The following FLT4 variants were observed in gnomAD, a reference collection of about 807,000 sequenced individuals.
FLT4 encodes the protein fms related receptor tyrosine kinase 4, also known as vascular endothelial growth factor receptor 3.
In FLT4, 30 loss-of-function variants were observed where a neutral mutation model predicts 163.2. The observed-to-expected ratio is 0.18, with a 90% CI of 0.14 to 0.25. The LOEUF is 0.25. Ranked by LOEUF, FLT4 falls within the 10% of genes least tolerant of loss-of-function variation. The pLI is 1.00. For missense variants in FLT4, 1,510 were observed against 1,863.8 expected (o/e 0.81, Z 3.50); for synonymous variants, 884 against 789.5 (o/e 1.12, Z -2.01).
chr5:180,608,223 C>T, intron 29 of FLT4: 1 of 700,772 alleles, frequency 1.4e-6, no homozygotes, highest in South Asian at 1.5e-5. Flanking sequence ...TTTGATCTTT[C>T]TTATAAGTGC....
chr5:180,630,226 G>A lies in FLT4; in HGVS notation c.512C>T (p.Ser171Leu), dbSNP rs56258152. Residue 171 changes from serine to leucine, a missense_variant and splice_region_variant, in exon 4 of 30, where the codon TCG becomes TTG. Around this residue, in one of 5 missense-constraint regions of FLT4, gnomAD observed 163 missense variants for 281.1 expected, o/e 0.58. Transcript: ENST00000261937. This position sits in a 1 kb window ranked among gnomAD's most constrained non-coding sequence, Gnocchi z 6.3. ...GCTGGGGTTGGGGTGGGGCCGTACC[G>A]AGCGCAGCGTGACATTGAGGCCGGG... ...SIPGLNVTLRSQSSVLWPDGQ... is the reference protein window; with the variant it reads ...SIPGLNVTLRLQSSVLWPDGQ... 7 of 1,611,958 alleles carry A rather than the reference G, an allele frequency of 4.3e-6. No homozygotes were observed. The South Asian group carries it at 4.4e-5, about 10-fold the overall frequency.
chr5:180,616,228 G>T, intron 23 of FLT4, 139 bp downstream of exon 23: 1 of 1,227,734 alleles, frequency 8.1e-7, no homozygotes, highest in South Asian at 1.2e-5. Context: ...AGGTCCACCA[G>T]CAGCTGGGCA....
intron 24 of FLT4, chr5:180,613,585 C>T (rs973891734): frequency 1.1e-4 from 30 of 263,742 alleles, no homozygotes; most frequent in African/African-American, 2.4e-4. Flanking sequence ...CTGGCTTACC[C>T]GAGCTCCCAC....
chr5:180,609,754 C>T (rs2127788481), intron 28 of FLT4, 151 bp downstream of exon 28: 1 of 920,056 alleles, frequency 1.1e-6, no homozygotes, highest in East Asian at 2.4e-5. Context: ...GCAGGAGGGC[C>T]CAAATGTGCC....
intron 1 of FLT4, among the ~76,000 whole-genome samples, chr5:180,638,960 A>C (rs1301174106): frequency 7.0e-6 from 1 of 143,884 alleles, no homozygotes. Context: ...GCACAGAGTA[A>C]AGTCTCAGTG....
chr5:180,603,528 A>G (rs1358423134), intron 29 of FLT4, 138 bp from the exon 30 acceptor site: 7 of 773,940 alleles, frequency 9.0e-6, no homozygotes, highest in East Asian at 8.0e-5. Flanking sequence ...CCCAGGCAAC[A>G]TGGGGAAACC....
rs771975253 is a variant in FLT4, at chr5:180,630,567, C to T, written c.388G>A (p.Val130Met). Residue 130 changes from valine (V) to methionine (M), a missense_variant, in exon 3 of 30, where the codon GTG becomes ATG. Coordinates refer to ENST00000261937, the MANE Select transcript of FLT4 (RefSeq NM_182925.5). The surrounding 1 kb of genome is among the most constrained non-coding windows in gnomAD (Gnocchi z 6.3). ...CTCCAAGTCTCACCTCTCACGAACA[C>T]GTAGGAGCTGGCGGCCGTGGTGCCC... is the stretch of plus-strand genomic sequence containing the variant. ...IEGTTAASSY[V>M]FVRDFEQPFI... The T allele has an allele frequency of 2.5e-6, 4 of 1,612,872 alleles. No homozygotes were observed. Among genetic ancestry groups the T allele is most frequent in the East Asian group, 2.2e-5 (1 of 44,882 alleles).
At chr5:180,648,735 A>AAC (rs1765601926) in intron 1 of FLT4, among the ~76,000 whole-genome samples, 1 of 150,590 alleles carries the variant, frequency 6.6e-6, no homozygotes, top group Non-Finnish European at 1.5e-5. Context: ...GCCACATCCC[A>AAC]ACACAAACCG....
At position 180,602,870 on chromosome 5, in the gene FLT4, AAGG is replaced by A. The variant is rs1761585671; in HGVS notation, c.*319_*321del. 3.4e-6 allele frequency: 2 copies of A among 583,926 alleles called. No homozygotes were observed. Among genetic ancestry groups the A allele is most frequent in the Admixed American group, 6.1e-5 (2 of 32,912 alleles). 36.2% of individuals were successfully genotyped at this position (583,926 alleles called of 1,614,324 possible). On this transcript the variant is annotated 3_prime_UTR_variant, in exon 30 of 30. Transcript: ENST00000261937. Reference sequence around the variant, plus strand: ...ACCAGGCCACCACCCAGTGTGATGAAAGGAGGTCGCCAAAGAGACATTCCCATG... The same window carrying A: ...ACCAGGCCACCACCCAGTGTGATGAAAGGTCGCCAAAGAGACATTCCCATG...
chr5:180,622,943 G>A (rs1204460447), intron 11 of FLT4, 104 bp from the exon 12 acceptor site: 1 of 758,046 alleles, frequency 1.3e-6, no homozygotes, highest in Non-Finnish European at 2.3e-6. Context: ...CCCCAATCAT[G>A]GGGGAAACTG....
chr5:180,649,480 G>A lies in FLT4; in HGVS notation c.58+8C>T. On this transcript the variant is annotated splice_region_variant and intron_variant, in intron 1 of 29. Coordinates refer to ENST00000261937, the MANE Select transcript of FLT4 (RefSeq NM_182925.5). ...CGCTCGGGCGGGTGGCCCGTTCGCC[G>A]CGCTCACCGTCCAGGAGTCCCAGGC... 2.1e-6 allele frequency: 3 copies of A among 1,457,780 alleles called. No homozygotes were observed. The highest frequency in any genetic ancestry group is 2.4e-5 in the Admixed American group (1 of 42,386). 90.3% of individuals were successfully genotyped at this position (1,457,780 alleles called of 1,614,324 possible).
At chr5:180,626,289 G>A (rs1017411060) in intron 8 of FLT4, 24 bp from the exon 9 acceptor site, 1 of 1,609,238 alleles carries the variant, frequency 6.2e-7, no homozygotes, top group Non-Finnish European at 8.5e-7. Flanking sequence ...GGAGGTCAGG[G>A]CCCATACAGA....
intron 13 of FLT4, 25 bp downstream of exon 13, chr5:180,621,517 C>T: frequency 1.2e-6 from 2 of 1,609,508 alleles, no homozygotes; most frequent in Non-Finnish European, 8.5e-7. Flanking sequence ...GAGCGCGTCC[C>T]CGCCCTCCCC....
chr5:180,616,601 G>C, intron 22 of FLT4, 112 bp from the exon 23 acceptor site: 1 of 1,196,766 alleles, frequency 8.4e-7, no homozygotes, highest in Non-Finnish European at 1.2e-6. Context: ...TGCCCTGCCT[G>C]AACTGTGCTC....
chr5:180,642,553 T>C (rs1342605962), intron 1 of FLT4, among the ~76,000 whole-genome samples: 1 of 152,084 alleles, frequency 6.6e-6, no homozygotes, highest in East Asian at 1.9e-4. Context: ...GCTCGCTGGA[T>C]GTACTCTCTC....
chr5:180,622,463 G>A (rs551235835), intron 12 of FLT4, among the ~76,000 whole-genome samples: 1 of 152,322 alleles, frequency 6.6e-6, no homozygotes, highest in South Asian at 2.1e-4. Context: ...GAGGGTGGGA[G>A]TGGGTATAGC....
Position 180,619,121 on chromosome 5 carries a change from C to G in FLT4, c.2762-12G>C, listed in dbSNP as rs575156450. 2.7e-6 allele frequency: 4 copies of G among 1,501,822 alleles called. No homozygotes were observed. The highest frequency in any genetic ancestry group is 3.6e-6 in the Non-Finnish European group (4 of 1,125,238). 93.0% of individuals were successfully genotyped at this position (1,501,822 alleles called of 1,614,324 possible). A position where few individuals can be genotyped will look rare whatever the true frequency, so the allele number is the denominator to read the frequency against. On this transcript the variant is annotated splice_polypyrimidine_tract_variant and intron_variant, in intron 19 of 29. Transcript: ENST00000261937. ...CACCATGAGGGGGCCTGCGGCGGGACCGGGCGGCGGCCGTGCGTTCGGAAC... is the reference window on the plus strand; with the variant it reads ...CACCATGAGGGGGCCTGCGGCGGGAGCGGGCGGCGGCCGTGCGTTCGGAAC...
rs555827466 is a variant in FLT4 at position 180,648,924 on chromosome 5, C to A, written c.58+564G>T. ...TCAAGTGCCAGCGTGCACCTGCACC[C>A]GTCCGCCTCGGGCGCGCGGTGGTCC... On this transcript the variant is annotated intron_variant, in intron 1 of 29. Coordinates refer to ENST00000261937, the MANE Select transcript of FLT4 (RefSeq NM_182925.5). Among the ~76,000 whole-genome samples, 30 of 152,310 alleles carry A rather than the reference C, an allele frequency of 2.0e-4. No homozygotes were observed. The South Asian group carries it at 6.2e-3, about 32-fold the overall frequency.
rs200071734 is a variant in FLT4, at chr5:180,630,717, C to G, written c.238G>C (p.Val80Leu). Residue 80 changes from valine to leucine, a missense_variant, in exon 3 of 30, where the codon GTG (valine) becomes CTG (leucine). Transcript: ENST00000261937. This position sits in a 1 kb window ranked among gnomAD's most constrained non-coding sequence, Gnocchi z 6.3. ...TCTGTGCCCTCGCAGTCTCGCACCA[C>G]CCCCGTGTCCTCGCTGTCCTTGTCT... ...TGDKDSEDTG[V>L]VRDCEGTDAR... 4.5e-5 allele frequency: 73 copies of G among 1,612,110 alleles called. No homozygotes were observed. The highest frequency in any genetic ancestry group is 4.1e-5 in the Non-Finnish European group (48 of 1,179,958).
Sources: allele counts gnomAD v4.1 joint callset (sites outside exome capture counted in the v4.1 genomes callset), GRCh38; gene constraint gnomAD v4.1.1; regional missense constraint gnomAD v4.1.1; non-coding constraint Gnocchi (gnomAD v3.1); transcripts MANE v1.5; gene names NCBI Gene and HGNC (gene_info 2026-07-23, HGNC 2026-07-21).